RCAN1: variants seen among roughly 807,000 people sequenced by gnomAD.
RCAN1 encodes the protein regulator of calcineurin 1.
Under a neutral mutation model 22.9 loss-of-function variants are expected in RCAN1, and 11 were observed. The observed-to-expected ratio is 0.48, with a 90% confidence interval of 0.30 to 0.79. The LOEUF is 0.79. RCAN1 is among the 30% of genes least tolerant of loss of function. The pLI is 0.06. For missense variants in RCAN1, 291 were observed against 337.8 expected (o/e 0.86, Z 1.09); for synonymous variants, 136 against 142.3 (o/e 0.96, Z 0.32).
intron 1 of RCAN1, among the ~76,000 whole-genome samples, chr21:34,606,661 T>G (rs1441303216): frequency 3.9e-5 from 6 of 152,034 alleles, no homozygotes; most frequent in Non-Finnish European, 7.4e-5. Context: ...AAGGAAGTAA[T>G]TAGGCTAAAG....
chr21:34,521,473 C>A (rs1198882509), intron 3 of RCAN1, 26 bp downstream of exon 3: 1 of 1,613,318 alleles, frequency 6.2e-7, no homozygotes, highest in Non-Finnish European at 8.5e-7. Context: ...CCCCCTGCCT[C>A]CCTCCCACCC....
chr21:34,600,836 A>G (rs1240158320), intron 1 of RCAN1, among the ~76,000 whole-genome samples: 1 of 152,250 alleles, frequency 6.6e-6, no homozygotes, highest in Non-Finnish European at 1.5e-5. Context: ...CTAAGCATTT[A>G]TAAGTGTTAA....
intron 1 of RCAN1, among the ~76,000 whole-genome samples, chr21:34,611,629 CG>C (rs1249404492): frequency 6.6e-6 from 1 of 152,164 alleles, no homozygotes; most frequent in East Asian, 1.9e-4. Context: ...AAGGAGGGGA[CG>C]GCCAGACCCC....
intron 1 of RCAN1, among the ~76,000 whole-genome samples, chr21:34,603,969 T>C (rs983072783): frequency 2.6e-5 from 4 of 152,212 alleles, no homozygotes; most frequent in African/African-American, 9.7e-5. Context: ...ATGGACAAAG[T>C]GGATGAGACA....
At chr21:34,521,691 T>C in intron 2 of RCAN1, 33 bp from the exon 3 acceptor site, 1 of 1,572,268 alleles carries the variant, frequency 6.4e-7, no homozygotes, top group East Asian at 2.2e-5. Flanking sequence ...GGTCAGTTGT[T>C]GCCAGGGAAG....
intron 1 of RCAN1, among the ~76,000 whole-genome samples, chr21:34,527,856 A>T (rs1468225816): frequency 2.2e-4 from 9 of 41,124 alleles, no homozygotes; most frequent in Non-Finnish European, 3.7e-4. Flanking sequence ...ACTAAATGTA[A>T]AAAAAAAAAA....
At chr21:34,601,615 G>A (rs1439793631) in intron 1 of RCAN1, among the ~76,000 whole-genome samples, 8 of 152,086 alleles carry the variant, frequency 5.3e-5, no homozygotes, top group Admixed American at 1.3e-4. Context: ...TCAGGAGATC[G>A]AGATCATCTT....
chr21:34,585,470 G>A (rs374974875), intron 1 of RCAN1, among the ~76,000 whole-genome samples: 6 of 152,110 alleles, frequency 3.9e-5, no homozygotes, highest in African/African-American at 7.2e-5. Flanking sequence ...CAGGCCAGGC[G>A]CAGTGGCTCA....
At chr21:34,541,666 G>C (rs1336374114) in intron 1 of RCAN1, among the ~76,000 whole-genome samples, 1 of 152,248 alleles carries the variant, frequency 6.6e-6, no homozygotes, top group African/African-American at 2.4e-5. Flanking sequence ...CGGGAGCGAT[G>C]GCTCACGCCT....
chr21:34,544,295 A>T (rs1031757985), intron 1 of RCAN1, among the ~76,000 whole-genome samples: 2 of 152,192 alleles, frequency 1.3e-5, no homozygotes, highest in African/African-American at 2.4e-5. Context: ...CTGAAGTCGG[A>T]GAAAGGATGG....
intron 1 of RCAN1, among the ~76,000 whole-genome samples, chr21:34,565,776 A>C (rs1291159660): frequency 6.6e-6 from 1 of 152,152 alleles, no homozygotes; most frequent in Non-Finnish European, 1.5e-5. Context: ...GCTCGGCAAA[A>C]TGTGTGGCTT....
chr21:34,614,750 C>A lies in RCAN1; in HGVS notation c.252+10G>T. On this transcript the variant is annotated intron_variant, in intron 1 of 3. Coordinates refer to ENST00000313806, the MANE Select transcript of RCAN1 (RefSeq NM_004414.7). The surrounding 1 kb of genome is among the most constrained non-coding windows in gnomAD (Gnocchi z 6.0). ...CTCCGCCCCGACGGCCCGCCCGGCG[C>A]GGTCCTCACCCGGCACAGGCCGTCC... is the stretch of plus-strand genomic sequence containing the variant. 8 of 1,421,140 alleles carry A rather than the reference C, an allele frequency of 5.6e-6. No individual in the cohort carries two copies. Among genetic ancestry groups the A allele is most frequent in the Non-Finnish European group, 7.4e-6 (8 of 1,081,686 alleles). 88.0% of individuals were successfully genotyped at this position (1,421,140 alleles called of 1,614,324 possible).
intron 1 of RCAN1, among the ~76,000 whole-genome samples, chr21:34,567,429 G>A (rs1222378881): frequency 6.6e-6 from 1 of 151,952 alleles, no homozygotes; most frequent in East Asian, 1.9e-4. Context: ...TGCAGCAGAA[G>A]TGGAAATATT....
Position 34,517,989 on chromosome 21 carries a change from G to A in RCAN1, c.*95C>T, listed in dbSNP as rs1984169280. 2.0e-6 allele frequency: 3 copies of A among 1,484,160 alleles called. No individual in the cohort carries two copies. Among genetic ancestry groups the A allele is most frequent in the Non-Finnish European group, 9.2e-7 (1 of 1,083,252 alleles). 91.9% of individuals were successfully genotyped at this position (1,484,160 alleles called of 1,614,324 possible). A position where few individuals can be genotyped will look rare whatever the true frequency, so the allele number is the denominator to read the frequency against. ...TGGGATTTCTGCCACCCCGATCTCGGCTGCCACCTCCGAAGAAGTCGTGAC... is the reference window on the plus strand; with the variant it reads ...TGGGATTTCTGCCACCCCGATCTCGACTGCCACCTCCGAAGAAGTCGTGAC... On this transcript the variant is annotated 3_prime_UTR_variant, in exon 4 of 4. Coordinates refer to ENST00000313806, the MANE Select transcript of RCAN1 (RefSeq NM_004414.7).
At chr21:34,572,896 C>T (rs889482605) in intron 1 of RCAN1, among the ~76,000 whole-genome samples, 1 of 152,112 alleles carries the variant, frequency 6.6e-6, no homozygotes, top group African/African-American at 2.4e-5. Context: ...CTTAAACAAC[C>T]AGATCTCAAA....
Position 34,614,684 on chromosome 21 carries a change from G to T in RCAN1, c.252+76C>A. The T allele has an allele frequency of 7.8e-7, 1 of 1,277,598 alleles. No homozygotes were observed. Among genetic ancestry groups the T allele is most frequent in the South Asian group, 2.0e-5 (1 of 49,846 alleles). The allele number at this position is 1,277,598 out of a possible 1,614,324, so 79.1% of individuals were successfully genotyped here. A position where few individuals can be genotyped will look rare whatever the true frequency, so the allele number is the denominator to read the frequency against. ...GCCCCGCGCGCGGCCGGGACTGGGC[G>T]CTGCGACCCGCGCCGCCTCCTCGGG... is the stretch of plus-strand genomic sequence containing the variant. On this transcript the variant is annotated intron_variant, in intron 1 of 3. Coordinates refer to ENST00000313806, the MANE Select transcript of RCAN1 (RefSeq NM_004414.7). The surrounding 1 kb of genome is among the most constrained non-coding windows in gnomAD (Gnocchi z 6.0).
intron 1 of RCAN1, among the ~76,000 whole-genome samples, chr21:34,552,695 C>T (rs1986413639): frequency 6.6e-6 from 1 of 151,622 alleles, no homozygotes; most frequent in Non-Finnish European, 1.5e-5. Flanking sequence ...CAATCATGCA[C>T]ACATAGACAC....
chr21:34,533,320 C>T (rs1286596588), intron 1 of RCAN1, among the ~76,000 whole-genome samples: 1 of 152,168 alleles, frequency 6.6e-6, no homozygotes, highest in Non-Finnish European at 1.5e-5. Context: ...CCTGTCCACT[C>T]CATTCTCACT....
At chr21:34,540,933 C>T (rs1247670988) in intron 1 of RCAN1, among the ~76,000 whole-genome samples, 1 of 151,836 alleles carries the variant, frequency 6.6e-6, no homozygotes, top group Non-Finnish European at 1.5e-5. Flanking sequence ...TGCAGTGAGC[C>T]GAGATCGCAC....
Sources: gnomAD v4.1 joint callset for allele counts (sites outside exome capture counted in the v4.1 genomes callset) on GRCh38, gnomAD v4.1.1 for gene constraint, Gnocchi (gnomAD v3.1) non-coding constraint, MANE v1.5 for transcripts, NCBI Gene and HGNC (gene_info 2026-07-23, HGNC 2026-07-21) for gene names.